The following RHAG variants were observed in gnomAD, a reference collection of about 807,000 sequenced individuals.
The protein encoded by RHAG is ammonium transporter Rh type A.
RHAG carries 25 observed loss-of-function variants against 42.4 expected under a neutral mutation model. That is an observed-to-expected ratio of 0.59 (90% confidence interval 0.43 to 0.82). RHAG has a LOEUF of 0.82. Among genes scored for constraint, RHAG ranks in the 40% least tolerant of loss-of-function variants. The pLI is 0.00. For missense variants in RHAG, 483 were observed against 504.6 expected (o/e 0.96, Z 0.41); for synonymous variants, 182 against 177.7 (o/e 1.02, Z -0.19).
At chr6:49,624,820 C>T (rs1193905999) in intron 1 of RHAG, among the ~76,000 whole-genome samples, 1 of 152,194 alleles carries the variant, frequency 6.6e-6, no homozygotes, top group Non-Finnish European at 1.5e-5. Flanking sequence ...AGGACTATCA[C>T]ATGTAGGATC....
intron 1 of RHAG, among the ~76,000 whole-genome samples, chr6:49,625,673 T>G (rs941369664): frequency 5.9e-5 from 9 of 152,124 alleles, no homozygotes; most frequent in African/African-American, 1.9e-4. Flanking sequence ...AGAGTTTAAT[T>G]TATGTTGTTA....
At chr6:49,622,075 C>T (rs766759057) in intron 1 of RHAG, among the ~76,000 whole-genome samples, 29 of 151,364 alleles carry the variant, frequency 1.9e-4, no homozygotes, top group Non-Finnish European at 3.1e-4. Flanking sequence ...TTTGGCTCTG[C>T]GTCTCCACCC....
intron 4 of RHAG, 66 bp downstream of exon 4, chr6:49,615,558 T>A: frequency 6.4e-7 from 1 of 1,567,930 alleles, no homozygotes; most frequent in Non-Finnish European, 8.8e-7. Context: ...CACACCCTTG[T>A]TGAAGTTAAC....
Position 49,635,970 on chromosome 6 carries a change from C to T in RHAG, c.157+686G>A, listed in dbSNP as rs183295933. ...TGGATGTGTTGGTTTATAATAAGGA[C>T]GCAGTAAATGGTAGTTATTGTTATA... On this transcript the variant is annotated intron_variant, in intron 1 of 9. Transcript: ENST00000371175. Among the ~76,000 whole-genome samples the T allele has an allele frequency of 1.2e-3, 179 of 152,184 alleles. 2 individuals are homozygous for T. The highest frequency in any genetic ancestry group is 8.9e-3 in the South Asian group (43 of 4,822).
chr6:49,629,505 G>A (rs1005169651), intron 1 of RHAG, among the ~76,000 whole-genome samples: 1 of 152,216 alleles, frequency 6.6e-6, no homozygotes, highest in Non-Finnish European at 1.5e-5. Flanking sequence ...CCCGCACCAG[G>A]CATGCAGGTG....
At chr6:49,622,360 G>C (rs1762771470) in intron 1 of RHAG, among the ~76,000 whole-genome samples, 1 of 152,066 alleles carries the variant, frequency 6.6e-6, no homozygotes, top group South Asian at 2.1e-4. Flanking sequence ...GGGGTTACAG[G>C]TATGGGCCAC....
intron 4 of RHAG, chr6:49,615,358 G>A (rs1581940656): frequency 6.1e-6 from 2 of 327,094 alleles, no homozygotes; most frequent in East Asian, 1.3e-4. Flanking sequence ...GTATGCAAAA[G>A]ATGCTCATTT....
At chr6:49,627,774 CAGG>C (rs1173697422) in intron 1 of RHAG, among the ~76,000 whole-genome samples, 1 of 152,052 alleles carries the variant, frequency 6.6e-6, no homozygotes, top group Non-Finnish European at 1.5e-5. Context: ...AGAGCTGGTG[CAGG>C]AGAACTCCCC....
chr6:49,615,175 C>T (rs1337106871), intron 4 of RHAG: 1 of 304,568 alleles, frequency 3.3e-6, no homozygotes, highest in Non-Finnish European at 6.3e-6. Flanking sequence ...TGGTCTCGAA[C>T]TCCTGACCTC....
At chr6:49,615,342 A>G (rs1581940647) in intron 4 of RHAG, 1 of 305,272 alleles carries the variant, frequency 3.3e-6, no homozygotes, top group Non-Finnish European at 6.1e-6. Flanking sequence ...GAGCCAGCAT[A>G]AAGTAGTATG....
intron 7 of RHAG, 118 bp downstream of exon 7, chr6:49,610,906 C>G: frequency 8.1e-7 from 1 of 1,237,918 alleles, no homozygotes; most frequent in Non-Finnish European, 1.2e-6. Context: ...CTCTTTGGCT[C>G]CAGTAAAGAC....
chr6:49,634,554 G>A (rs567794814), intron 1 of RHAG, among the ~76,000 whole-genome samples: 8 of 152,066 alleles, frequency 5.3e-5, no homozygotes, highest in Admixed American at 2.6e-4. Context: ...GCCAAGATAC[G>A]TAATCAACCT....
At chr6:49,624,129 G>A (rs143246819) in intron 1 of RHAG, among the ~76,000 whole-genome samples, 1 of 152,294 alleles carries the variant, frequency 6.6e-6, no homozygotes, top group East Asian at 1.9e-4. Context: ...ATCCTACACT[G>A]TTCTTAGCGT....
intron 1 of RHAG, among the ~76,000 whole-genome samples, chr6:49,635,850 TA>T (rs1193416506): frequency 6.6e-6 from 1 of 152,150 alleles, no homozygotes; most frequent in East Asian, 1.9e-4. Context: ...AAATAATTTT[TA>T]AATTTTTTAG....
intron 2 of RHAG, 150 bp from the exon 3 acceptor site, chr6:49,618,368 C>A: frequency 3.8e-6 from 3 of 782,560 alleles, no homozygotes; most frequent in Non-Finnish European, 6.5e-6. Flanking sequence ...TTTGACCAGA[C>A]ACTCTTTAAT....
At chr6:49,621,985 CTT>C (rs533850712) in intron 1 of RHAG, among the ~76,000 whole-genome samples, 3 of 140,082 alleles carry the variant, frequency 2.1e-5, no homozygotes, top group Non-Finnish European at 1.6e-5. Flanking sequence ...TCCTAACATT[CTT>C]TTTTTTTTTT....
chr6:49,636,560 A>G (rs576464900), intron 1 of RHAG, 96 bp downstream of exon 1: 2 of 1,248,454 alleles, frequency 1.6e-6, no homozygotes, highest in Non-Finnish European at 2.4e-6. Context: ...ATATAATTCT[A>G]CAAAGAGCTC....
In RHAG at chr6:49,607,022, G is replaced by T. The variant is rs79496386; in HGVS notation, c.1139-101C>A. The T allele has an allele frequency of 2.3e-4, 272 of 1,199,732 alleles. 3 individuals are homozygous for T. In the African/African-American group the frequency reaches 3.8e-3, roughly 17 times the overall value. The allele number at this position is 1,199,732 out of a possible 1,614,324, so 74.3% of individuals were successfully genotyped here. A position where few individuals can be genotyped will look rare whatever the true frequency, so the allele number is the denominator to read the frequency against. The stretch of plus-strand genomic sequence containing the variant: ...TATTATAAAATCATCCCCTTTAAAT[G>T]ACATAATTACTTTACTGCCAGAAGT... On this transcript the variant is annotated intron_variant, in intron 8 of 9. Coordinates refer to ENST00000371175, the MANE Select transcript of RHAG (RefSeq NM_000324.3).
chr6:49,624,234 C>T (rs1762807285), intron 1 of RHAG, among the ~76,000 whole-genome samples: 1 of 152,042 alleles, frequency 6.6e-6, no homozygotes, highest in African/African-American at 2.4e-5. Flanking sequence ...GATGGAGTCT[C>T]ACTCTGTCTT....
Sources: allele counts gnomAD v4.1 joint callset (sites outside exome capture counted in the v4.1 genomes callset), GRCh38; gene constraint gnomAD v4.1.1; transcripts MANE v1.5; gene names NCBI Gene and HGNC (gene_info 2026-07-23, HGNC 2026-07-21).